Variants in PCDHA7 observed in about 807,000 individuals in gnomAD.
PCDHA7 encodes the protein protocadherin alpha-7.
Under a neutral mutation model 57.2 loss-of-function variants are expected in PCDHA7, and 37 were observed. The observed-to-expected ratio is 0.65, with a 90% CI of 0.50 to 0.85. The LOEUF (loss-of-function observed/expected upper bound fraction) is 0.85. Ranked by LOEUF, PCDHA7 falls within the 40% of genes least tolerant of loss-of-function variation. The probability of loss-of-function intolerance (pLI) is 0.00; values close to 1 mark genes in which losing one functional copy is unlikely to be tolerated. For missense variants in PCDHA7, 1,188 were observed against 1,241.8 expected (o/e 0.96, Z 0.65); for synonymous variants, 553 against 558.8 (o/e 0.99, Z 0.15).
intron 1 of PCDHA7, among the ~76,000 whole-genome samples, chr5:140,976,863 T>G (rs116630325): frequency 0.028 from 4,205 of 152,320 alleles, 87 homozygotes; most frequent in Non-Finnish European, 0.044. Flanking sequence ...GAGTTTACTG[T>G]CTGACAAAGA....
Position 140,835,475 on chromosome 5 carries a change from A to T in PCDHA7, c.1092A>T (p.Gln364His), listed in dbSNP as rs141258579. 1 of 1,613,920 alleles carries T rather than the reference A, an allele frequency of 6.2e-7. No individual in the cohort carries two copies. Among genetic ancestry groups the T allele is most frequent in the Non-Finnish European group, 8.5e-7 (1 of 1,179,872 alleles). ...CTCTCCCTATTCCAGAGGACGCCCA[A>T]CCAGGTACCGTCATCACATTGATTA... Reference protein sequence around the residue: ...SLSLPIPEDAQPGTVITLISV... With the variant: ...SLSLPIPEDAHPGTVITLISV... Residue 364 changes from glutamine (Q) to histidine (H), a missense_variant, in exon 1 of 4, where the codon CAA becomes CAT. By Grantham distance (24) the Gln-to-His change is conservative. Transcript: ENST00000525929.
At chr5:140,958,544 A>G (rs1218939069) in intron 1 of PCDHA7, among the ~76,000 whole-genome samples, 1 of 152,182 alleles carries the variant, frequency 6.6e-6, no homozygotes, top group Non-Finnish European at 1.5e-5. Flanking sequence ...TGATTTATGA[A>G]CCAATAAATG....
chr5:140,882,307 A>G (rs2153383804), intron 1 of PCDHA7: 1 of 1,613,900 alleles, frequency 6.2e-7, no homozygotes, highest in South Asian at 1.1e-5. Context: ...GACCGCGGCA[A>G]CTACTGCTCT....
intron 3 of PCDHA7, among the ~76,000 whole-genome samples, chr5:140,988,287 C>A (rs2097291303): frequency 6.6e-6 from 1 of 152,240 alleles, no homozygotes; most frequent in Non-Finnish European, 1.5e-5. Context: ...TGCCATCTGA[C>A]AGCCCAGGAG....
intron 1 of PCDHA7, chr5:140,857,813 G>A (rs17844346): frequency 6.3e-7 from 1 of 1,597,700 alleles, no homozygotes; most frequent in African/African-American, 1.3e-5. Flanking sequence ...TGCGGGTCAC[G>A]TGGTGGCTAA....
chr5:140,957,104 C>T (rs2095333785), intron 1 of PCDHA7, among the ~76,000 whole-genome samples: 1 of 152,104 alleles, frequency 6.6e-6, no homozygotes, highest in Non-Finnish European at 1.5e-5. Context: ...TTGCTATGGA[C>T]ATGATTCTGT....
In PCDHA7 at chr5:140,870,604, C is replaced by A. The variant is rs376574285; in HGVS notation, c.2355+33866C>A. 10 of 1,613,134 alleles carry A rather than the reference C, an allele frequency of 6.2e-6. No homozygotes were observed. The African/African-American group carries it at 6.7e-5, about 11-fold the overall frequency. Reference sequence around the variant, plus strand: ...GCTGGTGGAGCGGCGGTTGGGCGACCGCGCGCTGTCGAGCTACGTGTCGGT... The same window carrying A: ...GCTGGTGGAGCGGCGGTTGGGCGACAGCGCGCTGTCGAGCTACGTGTCGGT... On this transcript the variant is annotated intron_variant, in intron 1 of 3. Coordinates refer to ENST00000525929, the MANE Select transcript of PCDHA7 (RefSeq NM_018910.3).
chr5:140,875,419 G>A (rs782346114), intron 1 of PCDHA7: 51 of 1,516,154 alleles, frequency 3.4e-5, no homozygotes, highest in Admixed American at 4.8e-5. Context: ...AATACCTCAG[G>A]CAAGCGATCC....
chr5:140,958,159 A>T (rs782390357), intron 1 of PCDHA7, among the ~76,000 whole-genome samples: 35 of 152,134 alleles, frequency 2.3e-4, no homozygotes, highest in Non-Finnish European at 4.3e-4. Flanking sequence ...CATAGTCAAA[A>T]GCCTGGAGTG....
chr5:140,926,835 T>C (rs2083586569), intron 1 of PCDHA7: 4 of 1,505,630 alleles, frequency 2.7e-6, no homozygotes, highest in East Asian at 2.3e-5. Context: ...GTCCGGAGCA[T>C]GGTCCTGGGT....
intron 1 of PCDHA7, chr5:140,857,619 A>G: frequency 6.3e-7 from 1 of 1,596,352 alleles, no homozygotes; most frequent in Non-Finnish European, 8.6e-7. Flanking sequence ...CCGCTGGACC[A>G]CGAGGAGCTG....
At chr5:140,983,170 G>A (rs1046143831) in intron 3 of PCDHA7, among the ~76,000 whole-genome samples, 1 of 152,136 alleles carries the variant, frequency 6.6e-6, no homozygotes, top group Non-Finnish European at 1.5e-5. Context: ...AAACATGACC[G>A]CCTCACAATT....
chr5:140,948,468 CT>C (rs1173060430), intron 1 of PCDHA7, among the ~76,000 whole-genome samples: 1 of 151,468 alleles, frequency 6.6e-6, no homozygotes, highest in African/African-American at 2.4e-5. Flanking sequence ...GGGAAAGTTT[CT>C]GATAATAAAT....
intron 1 of PCDHA7, among the ~76,000 whole-genome samples, chr5:140,887,165 C>T (rs1451761224): frequency 1.3e-5 from 2 of 151,306 alleles, no homozygotes; most frequent in Non-Finnish European, 2.9e-5. Flanking sequence ...GGCGTGATCT[C>T]GGCTCACTGC....
chr5:140,976,887 C>T (rs933700917), intron 1 of PCDHA7, among the ~76,000 whole-genome samples: 2 of 152,150 alleles, frequency 1.3e-5, no homozygotes, highest in Non-Finnish European at 2.9e-5. Flanking sequence ...AATTAGGATA[C>T]ATGCAACAGT....
chr5:140,847,921 C>T lies in PCDHA7; in HGVS notation c.2355+11183C>T, dbSNP rs1781251714. ...GTAGATTTCTGGGCTCCTATATTCA[C>T]TAGAGATTGCAACTCCTGGATTTCT... On this transcript the variant is annotated intron_variant, in intron 1 of 3. Transcript: ENST00000525929. 2 of 150,926 alleles carry T rather than the reference C, an allele frequency of 1.3e-5. 1 individual carries two copies. Among genetic ancestry groups the T allele is most frequent in the Non-Finnish European group, 2.9e-5 (2 of 67,862 alleles). 9.3% of individuals were successfully genotyped at this position (150,926 alleles called of 1,614,324 possible).
Position 140,928,772 on chromosome 5 carries a change from C to T in PCDHA7, c.2356-50177C>T, listed in dbSNP as rs1554206297. The stretch of plus-strand genomic sequence containing the variant: ...CGTACTGCTCGCTTAGTTCTTCCCA[C>T]TGATGCAGTTAAGCAGAGGGTGGTG... On this transcript the variant is annotated intron_variant, in intron 1 of 3. Coordinates refer to ENST00000525929, the MANE Select transcript of PCDHA7 (RefSeq NM_018910.3). The T allele has an allele frequency of 2.5e-6, 4 of 1,614,054 alleles. No individual in the cohort carries two copies. The East Asian group carries it at 6.7e-5, about 27-fold the overall frequency.
intron 1 of PCDHA7, chr5:140,930,201 A>G (rs1185112868): frequency 6.6e-6 from 1 of 152,178 alleles, no homozygotes; most frequent in Non-Finnish European, 1.5e-5. Flanking sequence ...TTATGTCAGA[A>G]ATATTTATGT....
chr5:140,836,151 G>C lies in PCDHA7; in HGVS notation c.1768G>C (p.Val590Leu). The stretch of plus-strand genomic sequence containing the variant: ...GCCGCGGTCTGTGGGCGCGGGCCAT[G>C]TGGTGGCGAAGGTACGTGCAGTTGA... ...LVPRSVGAGH[V>L]VAKVRAVDAD... Residue 590 changes from valine (V) to leucine (L), a missense_variant, in exon 1 of 4, where the codon GTG becomes CTG. By Grantham distance (32) the Val-to-Leu change is conservative. Around this residue, in one of 3 missense-constraint regions of PCDHA7, gnomAD observed 892 missense variants for 788.5 expected, o/e 1.13. Coordinates refer to ENST00000525929, the MANE Select transcript of PCDHA7 (RefSeq NM_018910.3). 1 of 1,613,828 alleles carries C rather than the reference G, an allele frequency of 6.2e-7. No individual in the cohort carries two copies.
Sources: allele counts gnomAD v4.1 joint callset (sites outside exome capture counted in the v4.1 genomes callset), GRCh38; gene constraint gnomAD v4.1.1; regional missense constraint gnomAD v4.1.1; transcripts MANE v1.5; gene names NCBI Gene and HGNC (gene_info 2026-07-23, HGNC 2026-07-21).